SZT2: variants seen among roughly 807,000 people sequenced by gnomAD.
The protein encoded by SZT2 is KICSTOR complex protein SZT2.
A neutral mutation model predicts 404.2 loss-of-function variants in SZT2; 216 were observed. The observed-to-expected ratio is 0.53, with a 90% CI of 0.48 to 0.60. The LOEUF is 0.60. SZT2 is among the 20% of genes least tolerant of loss of function. The pLI is 0.00. For missense variants in SZT2, 3,857 were observed against 4,459.2 expected, an observed-to-expected ratio of 0.86 and a Z score of 3.85; for synonymous variants, 1,693 against 1,749.9, an observed-to-expected ratio of 0.97 and a Z score of 0.81.
In SZT2 at chr1:43,389,943, C is replaced by G. The variant is rs780152293; in HGVS notation, c.-26C>G. The G allele has an allele frequency of 2.0e-6, 3 of 1,471,532 alleles. No individual in the cohort carries two copies. The highest frequency in any genetic ancestry group is 2.9e-5 in the African/African-American group (2 of 69,722). The allele number at this position is 1,471,532 out of a possible 1,614,324, so 91.2% of individuals were successfully genotyped here. A position where few individuals can be genotyped will look rare whatever the true frequency, so the allele number is the denominator to read the frequency against. ...TCAAGAGTGGAACACCCTCACTGGCCCGGGCCGGCGCGGGAGGGCTGTGTG... is the reference window on the plus strand; with the variant it reads ...TCAAGAGTGGAACACCCTCACTGGCGCGGGCCGGCGCGGGAGGGCTGTGTG... On this transcript the variant is annotated 5_prime_UTR_variant, in exon 1 of 72. Coordinates refer to ENST00000634258, the MANE Select transcript of SZT2 (RefSeq NM_001365999.1).
chr1:43,443,518 C>T (rs1655315426), intron 61 of SZT2, 41 bp downstream of exon 61: 1 of 1,613,500 alleles, frequency 6.2e-7, no homozygotes. Context: ...CTTTGCTTAC[C>T]CCACAGTGAC....
At chr1:43,402,171 C>A (rs537481885) in intron 1 of SZT2, among the ~76,000 whole-genome samples, 1 of 152,222 alleles carries the variant, frequency 6.6e-6, no homozygotes, top group Admixed American at 6.5e-5. Context: ...ACCTGGTGTT[C>A]TTTCCCTCAT....
chr1:43,428,680 C>G, intron 28 of SZT2, 194 bp downstream of exon 28: 1 of 680,776 alleles, frequency 1.5e-6, no homozygotes, highest in South Asian at 2.0e-5. Context: ...GTCTCCCTCC[C>G]AGGCTCTCCC....
At chr1:43,432,648 C>G (rs1654036616) in intron 38 of SZT2, 44 bp downstream of exon 38, 3 of 1,612,042 alleles carry the variant, frequency 1.9e-6, no homozygotes, top group Non-Finnish European at 2.5e-6. Context: ...AGGACCAGAT[C>G]CCTGACCATG....
At position 43,453,000 on chromosome 1, in the gene SZT2, C is replaced by G. The variant is rs772802176; in HGVS notation, c.*2520C>G. ...AACTTCCTGCCCATCAAGCAATGCC[C>G]ACTCCTTGAAGACAGTCCAAGCATC... On this transcript the variant is annotated 3_prime_UTR_variant, in exon 72 of 72. Transcript: ENST00000634258. 11 of 1,564,902 alleles carry G rather than the reference C, an allele frequency of 7.0e-6. No homozygotes were observed. The highest frequency in any genetic ancestry group is 1.4e-5 in the African/African-American group (1 of 74,058).
In SZT2 at chr1:43,453,964, C is replaced by T. The variant is rs1656762581; in HGVS notation, c.*3484C>T. 11 of 1,195,146 alleles carry T rather than the reference C, an allele frequency of 9.2e-6. No individual in the cohort carries two copies. Among genetic ancestry groups the T allele is most frequent in the Non-Finnish European group, 1.1e-5 (11 of 964,606 alleles). 74.0% of individuals were successfully genotyped at this position (1,195,146 alleles called of 1,614,324 possible). ...AAAACCCGGGCCTTCACGAAAAGCGCCTACGGTTAGCGAGAGAGGGATCAC... is the reference window on the plus strand; with the variant it reads ...AAAACCCGGGCCTTCACGAAAAGCGTCTACGGTTAGCGAGAGAGGGATCAC... On this transcript the variant is annotated 3_prime_UTR_variant, in exon 72 of 72. Coordinates refer to ENST00000634258, the MANE Select transcript of SZT2 (RefSeq NM_001365999.1).
In SZT2 at chr1:43,430,998, C is replaced by T. The variant is rs747617873; in HGVS notation, c.4824C>T (p.Pro1608=). 4.3e-6 allele frequency: 7 copies of T among 1,614,202 alleles called. No homozygotes were observed. The South Asian group carries it at 4.4e-5, about 10-fold the overall frequency. ...GCCCCCCAGTTGGAGGCCGAGTTCC[C>T]TTGAGGGACCTCAGTGTGACTCTGG... The part of the protein sequence containing the change: ...LEGPPVGGRV[P]LRDLSVTLDV... The change falls in exon 33 of 72, where the codon CCC becomes CCT. Residue 1608 remains proline, a synonymous_variant. Coordinates refer to ENST00000634258, the MANE Select transcript of SZT2 (RefSeq NM_001365999.1).
At chr1:43,422,732 A>G (rs1457702389) in intron 13 of SZT2, 37 bp from the exon 14 acceptor site, 3 of 1,427,422 alleles carry the variant, frequency 2.1e-6, no homozygotes, top group Non-Finnish European at 2.8e-6. Flanking sequence ...ACTTCCTGCC[A>G]ACCTTGGGCT....
chr1:43,423,164 G>C lies in SZT2; in HGVS notation c.2103G>C (p.Glu701Asp). The change falls in exon 15 of 72, where the codon GAG becomes GAC. Residue 701 changes from glutamate to aspartate, a missense_variant. This residue lies in a region of SZT2 where 1,725 missense variants were observed against 1,881.0 expected (regional missense o/e 0.92). Transcript: ENST00000634258. ...TCCCCCACCGGGTACAAAGCAAGGA[G>C]CCAACGCCCAAGGTGAAACGAAAAG... ...LRFPHRVQSKEPTPKVKRKGL... is the reference protein window; with the variant it reads ...LRFPHRVQSKDPTPKVKRKGL... 1.3e-6 allele frequency: 2 copies of C among 1,597,350 alleles called. No homozygotes were observed.
At position 43,443,393 on chromosome 1, in the gene SZT2, G is replaced by A. The variant is rs1220322623; in HGVS notation, c.8541G>A (p.Val2847=). Reference sequence around the variant, plus strand: ...CCCTGAAGCAGTCATCCCGCCTGGTGCATTACTGTGCAACAGCCATGCTCT... The same window carrying A: ...CCCTGAAGCAGTCATCCCGCCTGGTACATTACTGTGCAACAGCCATGCTCT... ...LETLKQSSRL[V]HYCATAMLFD... is the part of the protein sequence containing the mutation. Residue 2847 remains valine (V), a synonymous_variant, in exon 61 of 72, where the codon GTG becomes GTA. Coordinates refer to ENST00000634258, the MANE Select transcript of SZT2 (RefSeq NM_001365999.1). 2 of 1,614,198 alleles carry A rather than the reference G, an allele frequency of 1.2e-6. No individual in the cohort carries two copies. The highest frequency in any genetic ancestry group is 1.7e-6 in the Non-Finnish European group (2 of 1,180,018).
chr1:43,450,647 G>C lies in SZT2; in HGVS notation c.*167G>C. On this transcript the variant is annotated 3_prime_UTR_variant, in exon 72 of 72. Transcript: ENST00000634258. This position sits in a 1 kb window ranked among gnomAD's most constrained non-coding sequence, Gnocchi z 4.3. The stretch of plus-strand genomic sequence containing the variant: ...TCTTGAGGGTCTGCTGCCCCAGCCT[G>C]GCAGCAGGAACCGCCCTCCCCAAAC... 1 of 1,095,866 alleles carries C rather than the reference G, an allele frequency of 9.1e-7. No individual in the cohort carries two copies. Among genetic ancestry groups the C allele is most frequent in the East Asian group, 2.5e-5 (1 of 40,324 alleles). 67.9% of individuals were successfully genotyped at this position (1,095,866 alleles called of 1,614,324 possible).
At position 43,441,088 on chromosome 1, in the gene SZT2, C is replaced by G. The variant is rs1375737352; in HGVS notation, c.7345-126C>G. Reference sequence around the variant, plus strand: ...CCTGCCCAAGGCTCCTTAGCCAGCCCCTGGGGAAGCCAGGGTCTGAACCCA... The same window carrying G: ...CCTGCCCAAGGCTCCTTAGCCAGCCGCTGGGGAAGCCAGGGTCTGAACCCA... On this transcript the variant is annotated intron_variant, in intron 52 of 71. Coordinates refer to ENST00000634258, the MANE Select transcript of SZT2 (RefSeq NM_001365999.1). The surrounding 1 kb of genome is among the most constrained non-coding windows in gnomAD (Gnocchi z 4.8). 1 of 1,248,138 alleles carries G rather than the reference C, an allele frequency of 8.0e-7. No homozygotes were observed. The highest frequency in any genetic ancestry group is 1.1e-6 in the Non-Finnish European group (1 of 896,844). The allele number at this position is 1,248,138 out of a possible 1,614,324, so 77.3% of individuals were successfully genotyped here.
chr1:43,415,550 A>G (rs555904588), intron 5 of SZT2, among the ~76,000 whole-genome samples: 3 of 152,192 alleles, frequency 2.0e-5, no homozygotes, highest in African/African-American at 7.2e-5. Context: ...GCCTAGGCCC[A>G]CTAGACTTCC....
chr1:43,421,430 A>G, intron 11 of SZT2, 127 bp downstream of exon 11: 3 of 1,324,720 alleles, frequency 2.3e-6, no homozygotes, highest in Non-Finnish European at 3.1e-6. Flanking sequence ...CAGAAGCCCA[A>G]GCTTTAACCT....
intron 67 of SZT2, 23 bp from the exon 68 acceptor site, chr1:43,447,826 T>A: frequency 6.2e-7 from 1 of 1,613,518 alleles, no homozygotes; most frequent in Non-Finnish European, 8.5e-7. Flanking sequence ...AGAGTTGACA[T>A]CTCCCCAACC....
intron 1 of SZT2, among the ~76,000 whole-genome samples, chr1:43,391,789 A>G (rs1648358654): frequency 1.2e-5 from 1 of 84,068 alleles, no homozygotes; most frequent in Admixed American, 1.2e-4. Context: ...CCACATAAAA[A>G]AATGAAACAA....
Position 43,420,895 on chromosome 1 carries a change from T to G in SZT2, c.1408T>G (p.Leu470Val). ...GACGATGGAAGGCGGCTACGACATT[T>G]TGCATGATGTGTCCTGTGCACTAAG... Reference protein sequence around the residue: ...EVTMEGGYDILHDVSCALRQP... With the variant: ...EVTMEGGYDIVHDVSCALRQP... The change falls in exon 10 of 72, where the codon TTG (leucine) becomes GTG (valine). Residue 470 changes from leucine (L) to valine (V), a missense_variant. Physicochemically the swap from Leu to Val is conservative, Grantham distance 32 (BLOSUM62 1). Around this residue, in one of 7 missense-constraint regions of SZT2, gnomAD observed 536 missense variants for 637.4 expected, o/e 0.84. Coordinates refer to ENST00000634258, the MANE Select transcript of SZT2 (RefSeq NM_001365999.1). The surrounding 1 kb of genome is among the most constrained non-coding windows in gnomAD (Gnocchi z 5.1). The G allele has an allele frequency of 2.5e-6, 4 of 1,598,434 alleles. No individual in the cohort carries two copies. The highest frequency in any genetic ancestry group is 3.4e-6 in the Non-Finnish European group (4 of 1,179,786).
intron 6 of SZT2, 61 bp from the exon 7 acceptor site, chr1:43,416,474 C>A: frequency 7.1e-7 from 1 of 1,407,654 alleles, no homozygotes; most frequent in African/African-American, 1.4e-5. Context: ...CAGTTGGGTG[C>A]CTCCCTGTGA....
intron 4 of SZT2, 28 bp from the exon 5 acceptor site, chr1:43,415,054 G>T (rs1173595411): frequency 1.3e-6 from 2 of 1,595,338 alleles, no homozygotes; most frequent in East Asian, 2.2e-5. Flanking sequence ...TGACCGTCCT[G>T]TCTCAGTCTT....
Sources: allele counts gnomAD v4.1 joint callset (sites outside exome capture counted in the v4.1 genomes callset), GRCh38; gene constraint gnomAD v4.1.1; regional missense constraint gnomAD v4.1.1; non-coding constraint Gnocchi (gnomAD v3.1); transcripts MANE v1.5; gene names NCBI Gene and HGNC (gene_info 2026-07-23, HGNC 2026-07-21).